Variants in PTPRN2 observed in about 807,000 individuals in gnomAD.
The protein encoded by PTPRN2 is protein tyrosine phosphatase receptor type N2.
PTPRN2 carries 74 observed loss-of-function variants against 118.8 expected under a neutral mutation model. The observed-to-expected ratio is 0.62, with a 90% CI of 0.52 to 0.76. The LOEUF (loss-of-function observed/expected upper bound fraction) is 0.76, where lower values mean the gene tolerates loss of function less well. PTPRN2 is among the 30% of genes least tolerant of loss of function. The pLI, the probability that PTPRN2 is intolerant of heterozygous loss-of-function variation, is 0.00. For missense variants in PTPRN2, 1,481 were observed against 1,394.4 expected, an observed-to-expected ratio of 1.06 and a Z score of -0.99; for synonymous variants, 641 against 608.0, an observed-to-expected ratio of 1.05 and a Z score of -0.80.
intron 11 of PTPRN2, among the ~76,000 whole-genome samples, chr7:157,904,729 A>G (rs1349936871): frequency 2.0e-5 from 3 of 152,116 alleles, no homozygotes; most frequent in Non-Finnish European, 4.4e-5. Context: ...TTGCTAGTTC[A>G]CTTTCTGGCT....
At chr7:158,257,506 C>A (rs1007335709) in intron 3 of PTPRN2, among the ~76,000 whole-genome samples, 4 of 152,228 alleles carry the variant, frequency 2.6e-5, no homozygotes, top group Admixed American at 2.6e-4. Context: ...GAACTCTGCT[C>A]TTCCTTCTGG....
chr7:158,310,762 C>A, intron 3 of PTPRN2, among the ~76,000 whole-genome samples: 1 of 146,860 alleles, frequency 6.8e-6, no homozygotes, highest in African/African-American at 2.5e-5. Flanking sequence ...CCGGACAGAG[C>A]GCAAGTCCCA....
Position 157,831,231 on chromosome 7 carries a change from G to C in PTPRN2, c.1788+67442C>G, listed in dbSNP as rs1807543175. Among the ~76,000 whole-genome samples the C allele has an allele frequency of 6.6e-6, 1 of 152,194 alleles. No individual in the cohort carries two copies. The highest frequency in any genetic ancestry group is 1.5e-5 in the Non-Finnish European group (1 of 68,032). ...TGCAGCATCTTACAAGGGGTGCAGGGAAGTCCAGAGACAGAAGCCCCCATG... is the reference window on the plus strand; with the variant it reads ...TGCAGCATCTTACAAGGGGTGCAGGCAAGTCCAGAGACAGAAGCCCCCATG... On this transcript the variant is annotated intron_variant, in intron 12 of 22. Coordinates refer to ENST00000389418, the MANE Select transcript of PTPRN2 (RefSeq NM_002847.5). The surrounding 1 kb of genome is among the most constrained non-coding windows in gnomAD (Gnocchi z 4.8).
chr7:158,284,655 C>T (rs977445993), intron 3 of PTPRN2, among the ~76,000 whole-genome samples: 9 of 152,180 alleles, frequency 5.9e-5, no homozygotes, highest in Admixed American at 2.6e-4. Flanking sequence ...GGCGTACGGA[C>T]TCCGCTTATT....
Position 157,777,931 on chromosome 7 carries a change from A to G in PTPRN2, c.1789-94994T>C, listed in dbSNP as rs1212227559. Among the ~76,000 whole-genome samples the G allele has an allele frequency of 2.0e-5, 3 of 151,778 alleles. No homozygotes were observed. The East Asian group carries it at 5.8e-4, about 29-fold the overall frequency. On this transcript the variant is annotated intron_variant, in intron 12 of 22. Transcript: ENST00000389418. ...AATCCATAATATTGATGCATAATTG[A>G]CTTGTATAACATTAAAGGACCTTTA...
At chr7:157,997,819 G>A (rs1401673470) in intron 11 of PTPRN2, among the ~76,000 whole-genome samples, 1 of 19,618 alleles carries the variant, frequency 5.1e-5, no homozygotes, top group African/African-American at 1.1e-4. Context: ...CAGGGGAGAT[G>A]AGTGCACGGG....
chr7:158,323,721 G>T (rs1224346998), intron 2 of PTPRN2, among the ~76,000 whole-genome samples: 1 of 152,098 alleles, frequency 6.6e-6, no homozygotes, highest in Non-Finnish European at 1.5e-5. Context: ...ATTCGCAAGC[G>T]TCACTGTCCC....
chr7:157,546,191 G>T (rs1255177675), intron 22 of PTPRN2, among the ~76,000 whole-genome samples: 2 of 152,194 alleles, frequency 1.3e-5, no homozygotes, highest in Non-Finnish European at 2.9e-5. Context: ...CTGTTATCTG[G>T]AGTGCAGAAA....
chr7:157,864,183 C>G (rs571074870), intron 12 of PTPRN2: 1 of 152,294 alleles, frequency 6.6e-6, no homozygotes, highest in South Asian at 2.1e-4. Flanking sequence ...TGTTCACACA[C>G]AGGGTGTGAG....
intron 2 of PTPRN2, among the ~76,000 whole-genome samples, chr7:158,454,282 T>G (rs56079105): frequency 9.6e-6 from 1 of 104,436 alleles, no homozygotes; most frequent in Admixed American, 9.5e-5. Flanking sequence ...GGGACAGTTG[T>G]TATGGAGGAC....
intron 3 of PTPRN2, among the ~76,000 whole-genome samples, chr7:158,233,253 C>A (rs569684247): frequency 6.6e-6 from 1 of 152,268 alleles, no homozygotes; most frequent in Middle Eastern, 3.4e-3. Context: ...ATACAAAAAT[C>A]AGCAGCATTT....
intron 11 of PTPRN2, among the ~76,000 whole-genome samples, chr7:157,992,362 A>G (rs1387469387): frequency 6.6e-6 from 1 of 152,202 alleles, no homozygotes; most frequent in Non-Finnish European, 1.5e-5. Context: ...TTGGGAGTGG[A>G]ATCGCCATGG....
At chr7:157,963,700 A>G (rs1410667342) in intron 11 of PTPRN2, among the ~76,000 whole-genome samples, 1 of 152,182 alleles carries the variant, frequency 6.6e-6, no homozygotes, top group East Asian at 1.9e-4. Flanking sequence ...CCCCATCCCC[A>G]GGGCAGACGA....
chr7:158,136,194 C>G (rs550100245), intron 8 of PTPRN2, among the ~76,000 whole-genome samples: 24 of 152,292 alleles, frequency 1.6e-4, no homozygotes, highest in African/African-American at 5.8e-4. Context: ...GGCACTGCAT[C>G]TTTCATTTAT....
chr7:158,571,972 TATAAG>T (rs1162317649), intron 1 of PTPRN2, among the ~76,000 whole-genome samples: 3 of 152,206 alleles, frequency 2.0e-5, no homozygotes, highest in African/African-American at 7.2e-5. Context: ...GAAATTCTAC[TATAAG>T]ATAAGCACTA....
chr7:158,404,330 G>A (rs1178123294), intron 2 of PTPRN2, among the ~76,000 whole-genome samples: 1 of 152,170 alleles, frequency 6.6e-6, no homozygotes, highest in African/African-American at 2.4e-5. Flanking sequence ...GACTTTGATG[G>A]GAGGATGCTG....
intron 21 of PTPRN2, among the ~76,000 whole-genome samples, chr7:157,558,476 G>A (rs1158004401): frequency 6.6e-6 from 1 of 152,272 alleles, no homozygotes; most frequent in Non-Finnish European, 1.5e-5. Flanking sequence ...GGTCAATGGC[G>A]TTCAGGAGGC....
chr7:158,079,007 A>AT (rs1463020739), intron 11 of PTPRN2, among the ~76,000 whole-genome samples: 2 of 151,826 alleles, frequency 1.3e-5, no homozygotes, highest in East Asian at 1.9e-4. Context: ...CACCCAGCTA[A>AT]TTTTTTTGTA....
intron 12 of PTPRN2, among the ~76,000 whole-genome samples, chr7:157,726,645 T>A (rs1207985496): frequency 6.6e-6 from 1 of 151,946 alleles, no homozygotes; most frequent in East Asian, 1.9e-4. Flanking sequence ...AAGAAAAAAA[T>A]AGATAAATTG....
Sources: allele counts gnomAD v4.1 joint callset (sites outside exome capture counted in the v4.1 genomes callset), GRCh38; gene constraint gnomAD v4.1.1; non-coding constraint Gnocchi (gnomAD v3.1); transcripts MANE v1.5; gene names NCBI Gene and HGNC (gene_info 2026-07-23, HGNC 2026-07-21).